Variants in SYN2 observed in about 807,000 individuals in gnomAD.
The protein encoded by SYN2 is synapsin-2.
SYN2 carries 19 observed loss-of-function variants against 50.9 expected under a neutral mutation model. The observed-to-expected ratio is 0.37, with a 90% CI of 0.26 to 0.55. SYN2 has a LOEUF of 0.55. Among genes scored for constraint, SYN2 ranks in the 20% least tolerant of loss-of-function variants. The pLI is 0.81. For missense variants in SYN2, 587 were observed against 576.4 expected, an observed-to-expected ratio of 1.02 and a Z score of -0.19; for synonymous variants, 255 against 224.9, an observed-to-expected ratio of 1.13 and a Z score of -1.20.
At chr3:12,164,862 A>G (rs1199320167) in intron 7 of SYN2, among the ~76,000 whole-genome samples, 1 of 152,242 alleles carries the variant, frequency 6.6e-6, no homozygotes, top group Non-Finnish European at 1.5e-5. Flanking sequence ...CTATAAATCA[A>G]CAGGGTTATA....
intron 1 of SYN2, among the ~76,000 whole-genome samples, chr3:12,066,807 A>C (rs1387597824): frequency 6.6e-6 from 1 of 152,170 alleles, no homozygotes; most frequent in Non-Finnish European, 1.5e-5. Context: ...TTTATAAAGG[A>C]AAGAAGTTTA....
intron 10 of SYN2, among the ~76,000 whole-genome samples, chr3:12,174,079 T>A (rs1698002303): frequency 6.6e-6 from 1 of 152,070 alleles, no homozygotes; most frequent in South Asian, 2.1e-4. Context: ...CATCATTGGC[T>A]TCCCCTTCTT....
At chr3:12,145,308 G>T (rs77811710) in intron 3 of SYN2, among the ~76,000 whole-genome samples, 1 of 152,072 alleles carries the variant, frequency 6.6e-6, no homozygotes, top group Non-Finnish European at 1.5e-5. Flanking sequence ...ACGCTGAGGC[G>T]AGAGGATCAC....
intron 1 of SYN2, among the ~76,000 whole-genome samples, chr3:12,087,940 A>T (rs1217279094): frequency 2.0e-5 from 3 of 152,150 alleles, no homozygotes; most frequent in African/African-American, 7.2e-5. Context: ...CCTCAAAATG[A>T]ATTAAAACAT....
At chr3:12,047,769 C>A (rs1694770789) in intron 1 of SYN2, among the ~76,000 whole-genome samples, 1 of 152,188 alleles carries the variant, frequency 6.6e-6, no homozygotes, top group Admixed American at 6.5e-5. Context: ...ACAGAGATCA[C>A]TTCCATTTGT....
intron 1 of SYN2, among the ~76,000 whole-genome samples, chr3:12,013,218 C>T (rs777785050): frequency 5.3e-5 from 8 of 152,206 alleles, no homozygotes; most frequent in Non-Finnish European, 1.0e-4. Context: ...ATCCTCCTGC[C>T]TCAGCCTCCC....
At chr3:12,014,607 G>A (rs1461392293) in intron 1 of SYN2, among the ~76,000 whole-genome samples, 1 of 152,150 alleles carries the variant, frequency 6.6e-6, no homozygotes, top group Non-Finnish European at 1.5e-5. Context: ...ACCATATATT[G>A]ACACTTGGCT....
At chr3:12,171,464 A>T (rs1234900667) in intron 10 of SYN2, among the ~76,000 whole-genome samples, 1 of 152,126 alleles carries the variant, frequency 6.6e-6, no homozygotes, top group Non-Finnish European at 1.5e-5. Flanking sequence ...TACTGAGAAA[A>T]ACAGAGAACA....
At chr3:12,043,652 C>T (rs1379918827) in intron 1 of SYN2, among the ~76,000 whole-genome samples, 1 of 152,076 alleles carries the variant, frequency 6.6e-6, no homozygotes, top group Non-Finnish European at 1.5e-5. Context: ...TATTATGTGG[C>T]CCTCAGAATG....
At chr3:12,053,054 T>C (rs1694903260) in intron 1 of SYN2, among the ~76,000 whole-genome samples, 1 of 152,130 alleles carries the variant, frequency 6.6e-6, no homozygotes, top group African/African-American at 2.4e-5. Flanking sequence ...ATTTGATAAA[T>C]GAAGAAACTG....
At chr3:12,182,333 G>T (rs138870450) in intron 10 of SYN2, among the ~76,000 whole-genome samples, 6 of 152,308 alleles carry the variant, frequency 3.9e-5, no homozygotes, top group African/African-American at 1.4e-4. Flanking sequence ...TGCCTTGGAA[G>T]CCCCTCATTG....
At chr3:12,186,963 C>T (rs1698353163) in intron 11 of SYN2, among the ~76,000 whole-genome samples, 1 of 152,182 alleles carries the variant, frequency 6.6e-6, no homozygotes, top group South Asian at 2.1e-4. Flanking sequence ...CTCTCTCCAC[C>T]ACACTCTCCT....
intron 1 of SYN2, among the ~76,000 whole-genome samples, chr3:12,069,812 GTT>G (rs1216470059): frequency 7.0e-6 from 1 of 142,070 alleles, no homozygotes; most frequent in Non-Finnish European, 1.5e-5. Context: ...TTTGTTTTGG[GTT>G]TTTTTTTTTT....
chr3:12,032,505 C>G (rs1454906858), intron 1 of SYN2, among the ~76,000 whole-genome samples: 3 of 59,426 alleles, frequency 5.0e-5, no homozygotes, highest in Non-Finnish European at 9.1e-5. Context: ...CTCCGCATCA[C>G]TTTCAGGTAC....
At chr3:12,159,903 C>G (rs920555961) in intron 5 of SYN2, among the ~76,000 whole-genome samples, 3 of 151,828 alleles carry the variant, frequency 2.0e-5, no homozygotes, top group Non-Finnish European at 4.4e-5. Flanking sequence ...GTTAGCCGGG[C>G]GTGGTGGCCT....
In SYN2 at chr3:12,171,214, T is replaced by A. The variant is rs147098790; in HGVS notation, c.1308+1308T>A. Among the ~76,000 whole-genome samples, 1,067 of 152,312 alleles carry A rather than the reference T, an allele frequency of 7.0e-3. 11 individuals are homozygous for A. The highest frequency in any genetic ancestry group is 0.025 in the African/African-American group (1,021 of 41,564). ...ATGAAAGTTAATTGCCTGTTAGAGA[T>A]ACAAACCCACTATTTAATTACTATA... On this transcript the variant is annotated intron_variant, in intron 10 of 12. Coordinates refer to ENST00000621198, the MANE Select transcript of SYN2 (RefSeq NM_133625.6).
chr3:12,136,445 C>T (rs1003373375), intron 1 of SYN2, among the ~76,000 whole-genome samples: 1 of 152,186 alleles, frequency 6.6e-6, no homozygotes, highest in African/African-American at 2.4e-5. Flanking sequence ...CCCAAAGTCA[C>T]ACAGCTGAAA....
chr3:12,023,800 A>G (rs1368193827), intron 1 of SYN2, among the ~76,000 whole-genome samples: 1 of 152,060 alleles, frequency 6.6e-6, no homozygotes, highest in Admixed American at 6.6e-5. Context: ...AGTCCTGGAG[A>G]CCAACTAGGA....
intron 1 of SYN2, among the ~76,000 whole-genome samples, chr3:12,085,995 AT>A (rs1695692782): frequency 1.3e-5 from 2 of 152,276 alleles, no homozygotes; most frequent in African/African-American, 4.8e-5. Context: ...TATTGACAGT[AT>A]TTTAGCTAGA....
Sources: gnomAD v4.1 joint callset for allele counts (sites outside exome capture counted in the v4.1 genomes callset) on GRCh38, gnomAD v4.1.1 for gene constraint, MANE v1.5 for transcripts, NCBI Gene and HGNC (gene_info 2026-07-23, HGNC 2026-07-21) for gene names.